Variants in SAR1B observed in about 807,000 individuals in gnomAD.
The protein encoded by SAR1B is secretion associated Ras related GTPase 1B, also known as small COPII coat GTPase SAR1B.
SAR1B carries 23 observed loss-of-function variants against 26.8 expected under a neutral mutation model. The ratio of observed to expected loss-of-function variants is 0.86; its 90% CI spans 0.62 to 1.22. The LOEUF is 1.22. Ranked by LOEUF, SAR1B falls within the 50% of genes most tolerant of loss-of-function variation. The pLI is 0.00. For synonymous variants in SAR1B, 65 were observed against 80.8 expected (o/e 0.80, Z 1.05); for missense variants, 196 against 232.8 (o/e 0.84, Z 1.03).
At chr5:134,626,930 G>A (rs1765503327) in intron 1 of SAR1B, among the ~76,000 whole-genome samples, 1 of 152,018 alleles carries the variant, frequency 6.6e-6, no homozygotes, top group African/African-American at 2.4e-5. Flanking sequence ...TTAAAAGGTC[G>A]ATTTTATGGT....
chr5:134,623,436 T>A (rs1054149444), intron 2 of SAR1B, among the ~76,000 whole-genome samples: 5 of 146,950 alleles, frequency 3.4e-5, no homozygotes, highest in South Asian at 2.1e-4. Flanking sequence ...CGAGACTCCA[T>A]CTCAGAAACA....
intron 3 of SAR1B, chr5:134,613,778 T>C (rs1765260345): frequency 6.6e-6 from 1 of 152,222 alleles, no homozygotes. Context: ...ATTGTGGCCA[T>C]TATTTCCATA....
chr5:134,622,059 C>G (rs1765417622), intron 2 of SAR1B, among the ~76,000 whole-genome samples: 1 of 152,086 alleles, frequency 6.6e-6, no homozygotes, highest in South Asian at 2.1e-4. Context: ...GTCTAACCTC[C>G]ACAAAATTAC....
At position 134,626,298 on chromosome 5, in the gene SAR1B, CAAAAAAAAAAAAA is replaced by C. The variant is rs35668627; in HGVS notation, c.-18-2274_-18-2262del. ...TGGGCCACAGAGCAAGACTCTGCCT[CAAAAAAAAAAAAA>C]AAAAAAAAAAAAAAAAAAATGTGGT... On this transcript the variant is annotated intron_variant, in intron 1 of 6. Transcript: ENST00000402673. 4.7e-4 allele frequency among the ~76,000 whole-genome samples: 25 copies of C among 53,128 alleles called. No homozygotes were observed. In the South Asian group the frequency reaches 0.01, roughly 22 times the overall value. 34.9% of individuals were successfully genotyped at this position (53,128 alleles called of 152,430 possible).
intron 1 of SAR1B, 86 bp from the exon 2 acceptor site, chr5:134,624,123 T>G: frequency 1.3e-6 from 1 of 790,178 alleles, no homozygotes; most frequent in Non-Finnish European, 2.3e-6. Context: ...CAACTCTGAG[T>G]AGATAATCCT....
chr5:134,613,065 G>C (rs1031394757), intron 3 of SAR1B: 3 of 364,256 alleles, frequency 8.2e-6, no homozygotes, highest in South Asian at 2.8e-5. Context: ...CTTATTTGAA[G>C]GTGTTTTTAC....
chr5:134,629,019 T>C (rs1002967222), intron 1 of SAR1B, among the ~76,000 whole-genome samples: 3 of 151,774 alleles, frequency 2.0e-5, no homozygotes, highest in African/African-American at 7.3e-5. Flanking sequence ...CTCAGGAGGC[T>C]GAGGCTGGAG....
intron 1 of SAR1B, among the ~76,000 whole-genome samples, chr5:134,626,161 T>C (rs1765489120): frequency 2.0e-5 from 3 of 151,512 alleles, no homozygotes; most frequent in Admixed American, 2.0e-4. Flanking sequence ...TAGCTGGGTG[T>C]GGTGGTGCAC....
chr5:134,629,112 CT>C (rs150816077), intron 1 of SAR1B, among the ~76,000 whole-genome samples: 2 of 145,250 alleles, frequency 1.4e-5, no homozygotes. Context: ...GAGACCCTGT[CT>C]TTAAAAAAAA....
chr5:134,628,209 T>C (rs1434417692), intron 1 of SAR1B, among the ~76,000 whole-genome samples: 1 of 151,900 alleles, frequency 6.6e-6, no homozygotes, highest in Non-Finnish European at 1.5e-5. Context: ...AAAAACCCCA[T>C]TTCTATAAAA....
rs763692255 is a variant in SAR1B at position 134,606,763 on chromosome 5, G to T, written c.*187C>A. ...TTTATGGAATTAGAAAGCTAACATT[G>T]TGATACTCAAACTTACTTGAATCAG... On this transcript the variant is annotated 3_prime_UTR_variant, in exon 7 of 7. Transcript: ENST00000402673. The T allele has an allele frequency of 1.7e-6, 1 of 591,720 alleles. No individual in the cohort carries two copies. Among genetic ancestry groups the T allele is most frequent in the Non-Finnish European group, 3.1e-6 (1 of 325,106 alleles). 36.7% of individuals were successfully genotyped at this position (591,720 alleles called of 1,614,324 possible).
At position 134,606,139 on chromosome 5, in the gene SAR1B, CAGA is replaced by C. The variant is rs1282005304; in HGVS notation, c.*808_*810del. 2.0e-5 allele frequency: 3 copies of C among 152,232 alleles called. No individual in the cohort carries two copies. Among genetic ancestry groups the C allele is most frequent in the Non-Finnish European group, 2.9e-5 (2 of 68,096 alleles). The allele number at this position is 152,232 out of a possible 1,614,324, so 9.4% of individuals were successfully genotyped here. ...TGTGTACCATAAATGTGCTTTTCTT[CAGA>C]AGGCCAATCCCACAGGGACTAGGAC... On this transcript the variant is annotated 3_prime_UTR_variant, in exon 7 of 7. Coordinates refer to ENST00000402673, the MANE Select transcript of SAR1B (RefSeq NM_016103.4).
At chr5:134,616,085 T>G (rs1453974947) in intron 3 of SAR1B, among the ~76,000 whole-genome samples, 1 of 130,866 alleles carries the variant, frequency 7.6e-6, no homozygotes, top group Non-Finnish European at 1.6e-5. Context: ...GAGCCGAGAC[T>G]GGCCACTGCA....
chr5:134,629,330 G>C (rs556153515), intron 1 of SAR1B, among the ~76,000 whole-genome samples: 2 of 151,932 alleles, frequency 1.3e-5, no homozygotes, highest in Admixed American at 6.6e-5. Context: ...AGGCCGAGGT[G>C]GGGGGATCAC....
At chr5:134,622,028 T>G (rs1395175534) in intron 2 of SAR1B, among the ~76,000 whole-genome samples, 8 of 152,156 alleles carry the variant, frequency 5.3e-5, no homozygotes, top group Admixed American at 4.6e-4. Context: ...CAGCCAAACT[T>G]TATTTTTTAC....
intron 4 of SAR1B, among the ~76,000 whole-genome samples, chr5:134,611,622 T>C (rs553790011): frequency 1.7e-4 from 26 of 152,202 alleles, no homozygotes; most frequent in Admixed American, 1.6e-3. Context: ...AAGTTTAATA[T>C]AAGAGATAAG....
intron 1 of SAR1B, among the ~76,000 whole-genome samples, chr5:134,627,415 C>T (rs982556966): frequency 2.0e-5 from 3 of 151,970 alleles, no homozygotes; most frequent in Non-Finnish European, 4.4e-5. Flanking sequence ...TCACTGCAAC[C>T]TCAATCTCGG....
intron 3 of SAR1B, among the ~76,000 whole-genome samples, chr5:134,616,131 G>GAAAA (rs1218921148): frequency 7.2e-5 from 5 of 69,454 alleles, no homozygotes; most frequent in Admixed American, 1.8e-4. Flanking sequence ...CTCCATCTCG[G>GAAAA]AAAAAAAAAA....
chr5:134,629,084 C>T (rs966361999), intron 1 of SAR1B, among the ~76,000 whole-genome samples: 1 of 151,324 alleles, frequency 6.6e-6, no homozygotes, highest in African/African-American at 2.4e-5. Context: ...CACTGCATTC[C>T]AACCTGGGCA....
Sources: gnomAD v4.1 joint callset for allele counts (sites outside exome capture counted in the v4.1 genomes callset) on GRCh38, gnomAD v4.1.1 for gene constraint, MANE v1.5 for transcripts, NCBI Gene and HGNC (gene_info 2026-07-23, HGNC 2026-07-21) for gene names.